Variants in SUMF1 observed in about 807,000 individuals in gnomAD.
SUMF1 encodes formylglycine-generating enzyme.
In SUMF1, 48 loss-of-function variants were observed where a neutral mutation model predicts 47.6. The observed-to-expected ratio is 1.01, with a 90% confidence interval of 0.80 to 1.28. SUMF1 has a LOEUF of 1.28. Ranked by LOEUF, SUMF1 falls within the 50% of genes most tolerant of loss-of-function variation. The pLI is 0.00. For missense variants in SUMF1, 571 were observed against 485.4 expected (o/e 1.18, Z -1.66); for synonymous variants, 230 against 192.1 (o/e 1.20, Z -1.63).
At position 4,362,290 on chromosome 3, in the gene SUMF1, G is replaced by C. The variant is rs181406857; in HGVS notation, c.1015-36C>G. On this transcript the variant is annotated intron_variant, in intron 8 of 8. Transcript: ENST00000272902. ...AGAAAGAGCAAGGTAAGTGCTACTG[G>C]GACTCTCAGCTGAAGGCTCTAACCC... The C allele has an allele frequency of 1.1e-5, 18 of 1,575,452 alleles. No individual in the cohort carries two copies. The East Asian group carries it at 4.0e-4, about 35-fold the overall frequency.
At chr3:4,213,703 G>A (rs1312093663) in intron 8 of SUMF1, among the ~76,000 whole-genome samples, 3 of 152,100 alleles carry the variant, frequency 2.0e-5, no homozygotes, top group Admixed American at 2.0e-4. Context: ...TCAAAATAAA[G>A]GGATGGAGGA....
At chr3:4,045,937 G>A (rs543041333) in intron 9 of SUMF1, among the ~76,000 whole-genome samples, 1 of 152,156 alleles carries the variant, frequency 6.6e-6, no homozygotes, top group Non-Finnish European at 1.5e-5. Context: ...TATAATTCCA[G>A]TGACTCAGAA....
intron 8 of SUMF1, among the ~76,000 whole-genome samples, chr3:4,181,383 T>A (rs1695092561): frequency 6.6e-6 from 1 of 152,066 alleles, no homozygotes; most frequent in Non-Finnish European, 1.5e-5. Context: ...CATTCTTATT[T>A]AAAAGACTGC....
intron 8 of SUMF1, among the ~76,000 whole-genome samples, chr3:4,136,493 T>G (rs1285618015): frequency 6.6e-6 from 1 of 151,970 alleles, no homozygotes; most frequent in Non-Finnish European, 1.5e-5. Flanking sequence ...AAGACTTACA[T>G]GTTAGACCTA....
intron 7 of SUMF1, among the ~76,000 whole-genome samples, chr3:4,400,412 T>G (rs1172566237): frequency 2.0e-5 from 3 of 152,198 alleles, no homozygotes; most frequent in Non-Finnish European, 4.4e-5. Flanking sequence ...AAACCACCAT[T>G]AGGAATTCTG....
intron 8 of SUMF1, among the ~76,000 whole-genome samples, chr3:4,150,563 T>A (rs1287512894): frequency 2.0e-5 from 3 of 146,988 alleles, no homozygotes; most frequent in Admixed American, 2.0e-4. Context: ...AAAAAAAAAA[T>A]GTGTAGAGGC....
At chr3:4,402,726 C>G (rs1258721369) in intron 7 of SUMF1, among the ~76,000 whole-genome samples, 4 of 152,112 alleles carry the variant, frequency 2.6e-5, no homozygotes, top group African/African-American at 4.8e-5. Flanking sequence ...AAGGTTGAAA[C>G]CCATAAACAA....
chr3:4,148,158 T>C lies in SUMF1; in HGVS notation c.1015-79413A>G, dbSNP rs536309955. Among the ~76,000 whole-genome samples, 7 of 152,280 alleles carry C rather than the reference T, an allele frequency of 4.6e-5. No homozygotes were observed. The South Asian group carries it at 1.5e-3, about 32-fold the overall frequency. On this transcript the variant is annotated intron_variant and NMD_transcript_variant, in intron 8 of 12. Transcript: ENST00000448413. Reference sequence around the variant, plus strand: ...TTCTTTTAATCTAATCTGAAATCTTTGAATGCAGAATTAAATTTCACCCTA... The same window carrying C: ...TTCTTTTAATCTAATCTGAAATCTTCGAATGCAGAATTAAATTTCACCCTA...
chr3:4,140,207 C>A (rs1386129675), intron 8 of SUMF1, among the ~76,000 whole-genome samples: 1 of 151,964 alleles, frequency 6.6e-6, no homozygotes, highest in Non-Finnish European at 1.5e-5. Context: ...CTGGCTTTCC[C>A]CTTCTGAGAT....
chr3:4,452,158 C>T (rs1213858382), intron 2 of SUMF1, among the ~76,000 whole-genome samples: 2 of 150,048 alleles, frequency 1.3e-5, no homozygotes, highest in South Asian at 2.1e-4. Flanking sequence ...AGGGACCCCA[C>T]GAACTGAAGA....
intron 8 of SUMF1, among the ~76,000 whole-genome samples, chr3:4,082,092 T>G (rs546209637): frequency 8.5e-5 from 13 of 152,284 alleles, no homozygotes; most frequent in African/African-American, 2.9e-4. Flanking sequence ...GGGAAAATAT[T>G]AACATTTGGG....
At chr3:4,242,185 T>A (rs892610652) in intron 8 of SUMF1, among the ~76,000 whole-genome samples, 1 of 152,150 alleles carries the variant, frequency 6.6e-6, no homozygotes, top group South Asian at 2.1e-4. Flanking sequence ...GCCGAGAAGA[T>A]GGGGTTTTCT....
At chr3:4,128,110 T>C (rs1463230344) in intron 8 of SUMF1, among the ~76,000 whole-genome samples, 1 of 152,120 alleles carries the variant, frequency 6.6e-6, no homozygotes, top group East Asian at 1.9e-4. Context: ...TCTCCTGGCT[T>C]CAGAAGCAGA....
At chr3:4,259,752 A>G (rs892804678) in intron 8 of SUMF1, among the ~76,000 whole-genome samples, 3 of 152,210 alleles carry the variant, frequency 2.0e-5, no homozygotes, top group Admixed American at 1.3e-4. Flanking sequence ...AATTTTTAAA[A>G]TAAATATATT....
downstream of SUMF1, among the ~76,000 whole-genome samples, chr3:4,359,772 C>A (rs890437469): frequency 6.6e-6 from 1 of 152,126 alleles, no homozygotes; most frequent in African/African-American, 2.4e-5. Context: ...AGGTCCCTCA[C>A]ACAACACCTG....
At chr3:4,238,267 T>C (rs935760053) in intron 8 of SUMF1, among the ~76,000 whole-genome samples, 1 of 152,196 alleles carries the variant, frequency 6.6e-6, no homozygotes, top group African/African-American at 2.4e-5. Context: ...TATAGAATGA[T>C]TTATATTCCT....
chr3:4,219,670 T>C (rs958996962), intron 8 of SUMF1, among the ~76,000 whole-genome samples: 3 of 152,174 alleles, frequency 2.0e-5, no homozygotes, highest in African/African-American at 7.2e-5. Flanking sequence ...CAAGCTGGAA[T>C]TTACCATGCA....
At chr3:4,380,769 C>G (rs1251478423) in intron 7 of SUMF1, among the ~76,000 whole-genome samples, 3 of 152,154 alleles carry the variant, frequency 2.0e-5, no homozygotes, top group Non-Finnish European at 4.4e-5. Flanking sequence ...GCAAAACACA[C>G]AGGTTTCTAC....
chr3:4,119,787 G>A (rs1362601026), intron 8 of SUMF1, among the ~76,000 whole-genome samples: 2 of 152,020 alleles, frequency 1.3e-5, no homozygotes, highest in Non-Finnish European at 2.9e-5. Flanking sequence ...AAACTTAACA[G>A]AAGTAGCTGC....
Sources: allele counts gnomAD v4.1 joint callset (sites outside exome capture counted in the v4.1 genomes callset), GRCh38; gene constraint gnomAD v4.1.1; transcripts MANE v1.5; gene names NCBI Gene and HGNC (gene_info 2026-07-23, HGNC 2026-07-21).